The following VAV1 variants were observed in gnomAD, a reference collection of about 807,000 sequenced individuals.
VAV1 encodes vav guanine nucleotide exchange factor 1.
Under a neutral mutation model 128.1 loss-of-function variants are expected in VAV1, and 33 were observed. The observed-to-expected ratio is 0.26, with a 90% CI of 0.20 to 0.34. VAV1 has a LOEUF of 0.34. Ranked by LOEUF, VAV1 falls within the 10% of genes least tolerant of loss-of-function variation. VAV1 has a pLI of 1.00. For missense variants in VAV1, 715 were observed against 1,093.7 expected (o/e 0.65, Z 4.88); for synonymous variants, 394 against 409.8 (o/e 0.96, Z 0.47).
chr19:6,827,962 C>T (rs1935408956), intron 9 of VAV1, 114 bp from the exon 10 acceptor site: 2 of 846,316 alleles, frequency 2.4e-6, no homozygotes, highest in Admixed American at 4.7e-5. Flanking sequence ...AAAATTCCCA[C>T]AGCTCTGGGG....
Position 6,820,923 on chromosome 19 carries a change from C to A in VAV1, c.321+105C>A. ...TCAGGGGACAGGCAGACAAGCCAGA[C>A]CAGGCCATATACAAGACGCAAATAG... On this transcript the variant is annotated intron_variant, in intron 2 of 26. Transcript: ENST00000602142. This position sits in a 1 kb window ranked among gnomAD's most constrained non-coding sequence, Gnocchi z 4.4. 2 of 1,089,102 alleles carry A rather than the reference C, an allele frequency of 1.8e-6. No homozygotes were observed. Among genetic ancestry groups the A allele is most frequent in the Non-Finnish European group, 2.8e-6 (2 of 718,670 alleles). The allele number at this position is 1,089,102 out of a possible 1,614,324, so 67.5% of individuals were successfully genotyped here.
intron 24 of VAV1, among the ~76,000 whole-genome samples, chr19:6,851,895 T>G (rs1257874108): frequency 6.6e-6 from 1 of 152,192 alleles, no homozygotes; most frequent in Non-Finnish European, 1.5e-5. Context: ...CAACAAATCT[T>G]TTTTTTCCTC....
At chr19:6,836,870 ACAC>A (rs1555704912) in intron 20 of VAV1, 112 bp from the exon 21 acceptor site, 1 of 819,256 alleles carries the variant, frequency 1.2e-6, no homozygotes, top group African/African-American at 1.7e-5. Context: ...ACACACACAC[ACAC>A]ACACACGAGT....
intron 1 of VAV1, among the ~76,000 whole-genome samples, chr19:6,810,904 C>T (rs1297888380): frequency 6.6e-6 from 1 of 152,148 alleles, no homozygotes; most frequent in African/African-American, 2.4e-5. Flanking sequence ...AAGAATGAAC[C>T]TGTTTCCCCA....
chr19:6,777,541 A>G lies in VAV1; in HGVS notation c.204+4530A>G, dbSNP rs1235151185. On this transcript the variant is annotated intron_variant, in intron 1 of 26. Transcript: ENST00000602142. The surrounding 1 kb of genome is among the most constrained non-coding windows in gnomAD (Gnocchi z 4.4). Reference sequence around the variant, plus strand: ...GTGACATTGCAGCAGAGACCTGGGGAAAATTAAGGAATGAATCATGTGGAT... The same window carrying G: ...GTGACATTGCAGCAGAGACCTGGGGGAAATTAAGGAATGAATCATGTGGAT... 1.3e-5 allele frequency among the ~76,000 whole-genome samples: 2 copies of G among 152,144 alleles called. No homozygotes were observed. Among genetic ancestry groups the G allele is most frequent in the Non-Finnish European group, 2.9e-5 (2 of 68,030 alleles).
intron 21 of VAV1, 107 bp from the exon 22 acceptor site, chr19:6,843,028 C>T: frequency 7.8e-7 from 1 of 1,282,972 alleles, no homozygotes; most frequent in Non-Finnish European, 1.1e-6. Flanking sequence ...TAGGCACTCA[C>T]TAAATGCAAG....
intron 21 of VAV1, among the ~76,000 whole-genome samples, chr19:6,838,367 C>G (rs992892501): frequency 6.6e-6 from 1 of 150,572 alleles, no homozygotes; most frequent in Non-Finnish European, 1.5e-5. Flanking sequence ...ACCCATCAAT[C>G]CATCCATTCA....
intron 1 of VAV1, among the ~76,000 whole-genome samples, chr19:6,797,762 A>G (rs963215450): frequency 2.0e-5 from 3 of 150,702 alleles, no homozygotes; most frequent in African/African-American, 4.9e-5. Flanking sequence ...AAAAAAAAAA[A>G]GAGTAGGAGC....
At chr19:6,806,331 C>T (rs144977995) in intron 1 of VAV1, among the ~76,000 whole-genome samples, 49 of 152,314 alleles carry the variant, frequency 3.2e-4, no homozygotes, top group African/African-American at 1.1e-3. Flanking sequence ...GTGATTCACC[C>T]GCCATGGGCT....
chr19:6,832,874 G>A (rs1972119077), intron 15 of VAV1, among the ~76,000 whole-genome samples: 1 of 152,154 alleles, frequency 6.6e-6, no homozygotes, highest in African/African-American at 2.4e-5. Flanking sequence ...ACAGCATTGT[G>A]CAACCATCAC....
chr19:6,830,135 C>T (rs572802081), intron 14 of VAV1, among the ~76,000 whole-genome samples: 70 of 152,226 alleles, frequency 4.6e-4, no homozygotes, highest in African/African-American at 1.6e-3. Context: ...CTCGGCTCAC[C>T]GCAACCTCCG....
At chr19:6,803,604 G>C (rs1427656660) in intron 1 of VAV1, among the ~76,000 whole-genome samples, 5 of 152,078 alleles carry the variant, frequency 3.3e-5, no homozygotes, top group Non-Finnish European at 7.4e-5. Context: ...TGCCCTTGTT[G>C]TCCAGGCTAG....
At chr19:6,774,753 T>A (rs886811032) in intron 1 of VAV1, among the ~76,000 whole-genome samples, 6 of 151,156 alleles carry the variant, frequency 4.0e-5, no homozygotes, top group East Asian at 2.0e-4. Context: ...TGTTTTTTTT[T>A]ATCTTATCTT....
intron 1 of VAV1, among the ~76,000 whole-genome samples, chr19:6,794,365 C>A (rs757724763): frequency 6.6e-6 from 1 of 152,058 alleles, no homozygotes; most frequent in African/African-American, 2.4e-5. Flanking sequence ...CCAGGCCAGG[C>A]GTGGTGGCCC....
At chr19:6,837,086 G>C (rs1972242032) in intron 21 of VAV1, 36 bp downstream of exon 21, 8 of 1,609,550 alleles carry the variant, frequency 5.0e-6, no homozygotes, top group Non-Finnish European at 6.0e-6. Context: ...TAAGGGCAAG[G>C]GGTCCAGGGC....
Position 6,828,253 on chromosome 19 carries a change from G to A in VAV1, c.1023+82G>A, listed in dbSNP as rs1971965484. 6.4e-7 allele frequency: 1 copy of A among 1,562,740 alleles called. No individual in the cohort carries two copies. The highest frequency in any genetic ancestry group is 8.8e-7 in the Non-Finnish European group (1 of 1,142,146). On this transcript the variant is annotated intron_variant, in intron 10 of 26. Transcript: ENST00000602142. The surrounding 1 kb of genome is among the most constrained non-coding windows in gnomAD (Gnocchi z 4.5). ...AAGTGGGGACGGGGCTGGCTTCTGG[G>A]GGTTGGGTCTCTAGGACGCTCGGGG...
Position 6,819,565 on chromosome 19 carries a change from A to C in VAV1, c.205-1137A>C, listed in dbSNP as rs143958994. On this transcript the variant is annotated intron_variant, in intron 1 of 26. Coordinates refer to ENST00000602142, the MANE Select transcript of VAV1 (RefSeq NM_005428.4). The stretch of plus-strand genomic sequence containing the variant: ...TTTGCTCCTTTTTTATGGCTGAGTA[A>C]TATTCCATTGTGTGGATTTGCCTGT... 3.3e-5 allele frequency among the ~76,000 whole-genome samples: 5 copies of C among 152,322 alleles called. No individual in the cohort carries two copies. The East Asian group carries it at 9.6e-4, about 29-fold the overall frequency.
Position 6,822,138 on chromosome 19 carries a change from G to A in VAV1, c.450-83G>A, listed in dbSNP as rs941777055. 24 of 1,385,334 alleles carry A rather than the reference G, an allele frequency of 1.7e-5. No homozygotes were observed. In the South Asian group the frequency reaches 2.3e-4, roughly 13 times the overall value. The allele number at this position is 1,385,334 out of a possible 1,614,324, so 85.8% of individuals were successfully genotyped here. A position where few individuals can be genotyped will look rare whatever the true frequency, so the allele number is the denominator to read the frequency against. On this transcript the variant is annotated intron_variant, in intron 4 of 26. Coordinates refer to ENST00000602142, the MANE Select transcript of VAV1 (RefSeq NM_005428.4). The surrounding 1 kb of genome is among the most constrained non-coding windows in gnomAD (Gnocchi z 5.9). ...GGTCCCACCCTTGGAGTCTTGGGGGGACAAAGCCCTGCGCTGGGGTCTGCG... is the reference window on the plus strand; with the variant it reads ...GGTCCCACCCTTGGAGTCTTGGGGGAACAAAGCCCTGCGCTGGGGTCTGCG...
chr19:6,853,136 A>C, intron 25 of VAV1, 57 bp downstream of exon 25: 1 of 1,523,074 alleles, frequency 6.6e-7, no homozygotes, highest in Non-Finnish European at 9.0e-7. Context: ...TGTGGAGGGA[A>C]ACTTTGGGGA....
Sources: allele counts gnomAD v4.1 joint callset (sites outside exome capture counted in the v4.1 genomes callset), GRCh38; gene constraint gnomAD v4.1.1; non-coding constraint Gnocchi (gnomAD v3.1); transcripts MANE v1.5; gene names NCBI Gene and HGNC (gene_info 2026-07-23, HGNC 2026-07-21).